The following NTRK3 variants were observed in gnomAD, a reference collection of about 807,000 sequenced individuals.
The protein encoded by NTRK3 is neurotrophic receptor tyrosine kinase 3, also known as NT-3 growth factor receptor.
A neutral mutation model predicts 91.7 loss-of-function variants in NTRK3; 24 were observed. That is an observed-to-expected ratio of 0.26 (90% confidence interval 0.19 to 0.37). The LOEUF (loss-of-function observed/expected upper bound fraction) is 0.37. NTRK3 is among the 10% of genes least tolerant of loss of function. NTRK3 has a pLI of 1.00. For missense variants in NTRK3, 880 were observed against 1,068.9 expected (o/e 0.82, Z 2.46); for synonymous variants, 483 against 404.0 (o/e 1.20, Z -2.34).
intron 13 of NTRK3, among the ~76,000 whole-genome samples, chr15:88,126,023 A>G (rs2053249713): frequency 6.6e-6 from 1 of 152,178 alleles, no homozygotes; most frequent in South Asian, 2.1e-4. Context: ...AAGCCCTTCT[A>G]AGCAATGTTT....
At chr15:87,974,356 A>G (rs1289479597) in intron 14 of NTRK3, among the ~76,000 whole-genome samples, 1 of 152,200 alleles carries the variant, frequency 6.6e-6, no homozygotes, top group Non-Finnish European at 1.5e-5. Flanking sequence ...GAGCTTGGAC[A>G]TATCAGGAGG....
chr15:88,198,233 T>C (rs1167502439), intron 3 of NTRK3, among the ~76,000 whole-genome samples: 1 of 152,104 alleles, frequency 6.6e-6, no homozygotes, highest in Non-Finnish European at 1.5e-5. Context: ...TGTGAGACTC[T>C]TCCCAGCCAC....
At chr15:88,193,720 CT>C (rs1216065499) in intron 3 of NTRK3, among the ~76,000 whole-genome samples, 2 of 152,200 alleles carry the variant, frequency 1.3e-5, no homozygotes, top group African/African-American at 4.8e-5. Flanking sequence ...CCTTTCCCAC[CT>C]TCTCAGGAAC....
At chr15:88,041,079 A>G (rs12441487) in intron 13 of NTRK3, among the ~76,000 whole-genome samples, 37,343 of 152,148 alleles carry the variant, frequency 0.25, 5,118 homozygotes, top group Middle Eastern at 0.42. Flanking sequence ...TTCACAAACA[A>G]AGAGTGCTTG....
chr15:87,877,195 GCAA>G (rs2064988483), intron 18 of NTRK3, 75 bp from the exon 20 acceptor site: 1 of 1,479,250 alleles, frequency 6.8e-7, no homozygotes, highest in Non-Finnish European at 9.3e-7. Context: ...TCGGCAAAAA[GCAA>G]CAACTTCCCG....
exon 16 of NTRK3, chr15:87,933,123 G>T (rs2141956418): frequency 2.5e-6 from 4 of 1,614,124 alleles, no homozygotes; most frequent in Non-Finnish European, 2.5e-6. Context: ...CTGCAGGTTG[G>T]TGAGCAGCTC....
intron 3 of NTRK3, among the ~76,000 whole-genome samples, chr15:88,232,516 A>T (rs918168254): frequency 2.6e-5 from 4 of 152,168 alleles, no homozygotes; most frequent in African/African-American, 9.7e-5. Flanking sequence ...CAATAATTAT[A>T]TTCCTTAAAT....
chr15:88,150,569 T>C lies in NTRK3; in HGVS notation c.396-3166A>G, dbSNP rs369820052. On this transcript the variant is annotated intron_variant, in intron 5 of 18. Coordinates refer to ENST00000394480, the Ensembl canonical transcript of NTRK3. ...CCCCACCTGGATTCCTCCCGCTCTTTGGGTGGATGGAATGGCTGAAGCACT... is the reference window on the plus strand; with the variant it reads ...CCCCACCTGGATTCCTCCCGCTCTTCGGGTGGATGGAATGGCTGAAGCACT... Among the ~76,000 whole-genome samples, 16 of 152,084 alleles carry C rather than the reference T, an allele frequency of 1.1e-4. 1 individual carries two copies. The highest frequency in any genetic ancestry group is 3.6e-4 in the African/African-American group (15 of 41,484).
At chr15:88,092,532 TG>T (rs1429481271) in intron 13 of NTRK3, among the ~76,000 whole-genome samples, 1 of 152,248 alleles carries the variant, frequency 6.6e-6, no homozygotes, top group Non-Finnish European at 1.5e-5. Context: ...CAAGCCAGAC[TG>T]GCCAGAGGTT....
chr15:88,193,739 T>C (rs2047595447), intron 3 of NTRK3, among the ~76,000 whole-genome samples: 1 of 152,186 alleles, frequency 6.6e-6, no homozygotes, highest in African/African-American at 2.4e-5. Flanking sequence ...AACATATTCA[T>C]TTTTTCTCTT....
intron 14 of NTRK3, among the ~76,000 whole-genome samples, chr15:88,017,850 T>C (rs1244260289): frequency 6.6e-6 from 1 of 152,224 alleles, no homozygotes; most frequent in Non-Finnish European, 1.5e-5. Context: ...ACACTGAGCA[T>C]AATTCAACCA....
intron 14 of NTRK3, among the ~76,000 whole-genome samples, chr15:87,989,558 G>A (rs563744817): frequency 2.6e-5 from 4 of 152,036 alleles, no homozygotes; most frequent in Non-Finnish European, 5.9e-5. Flanking sequence ...TGTAAATGAC[G>A]AGTTAATGGG....
intron 14 of NTRK3, among the ~76,000 whole-genome samples, chr15:87,992,529 G>T (rs991439120): frequency 6.6e-6 from 1 of 152,114 alleles, no homozygotes; most frequent in South Asian, 2.1e-4. Flanking sequence ...ATGGTTCATG[G>T]ATTTATTTTT....
chr15:87,935,465 A>G (rs2069187106), intron 15 of NTRK3, among the ~76,000 whole-genome samples: 1 of 152,222 alleles, frequency 6.6e-6, no homozygotes, highest in African/African-American at 2.4e-5. Flanking sequence ...TCATGGTGAA[A>G]GACAGTCTCT....
At chr15:88,254,848 C>T (rs2053841129) in intron 3 of NTRK3, among the ~76,000 whole-genome samples, 1 of 152,156 alleles carries the variant, frequency 6.6e-6, no homozygotes, top group Non-Finnish European at 1.5e-5. Flanking sequence ...CTGAGCAATT[C>T]CAGTATGGTC....
intron 14 of NTRK3, among the ~76,000 whole-genome samples, chr15:88,006,527 G>A (rs1397312819): frequency 6.6e-6 from 1 of 152,212 alleles, no homozygotes; most frequent in Admixed American, 6.5e-5. Flanking sequence ...CAGAGAGGCA[G>A]CTCTATCTGG....
intron 17 of NTRK3, among the ~76,000 whole-genome samples, chr15:87,898,748 G>A (rs1174705171): frequency 2.7e-5 from 4 of 150,406 alleles, no homozygotes; most frequent in East Asian, 3.9e-4. Context: ...CACTTCAGGA[G>A]GCCAAGGCAG....
At chr15:87,983,060 A>T (rs1223419102) in intron 14 of NTRK3, among the ~76,000 whole-genome samples, 1 of 152,224 alleles carries the variant, frequency 6.6e-6, no homozygotes, top group Non-Finnish European at 1.5e-5. Flanking sequence ...AGTTTAGGTT[A>T]TGGTTTAGAC....
intron 14 of NTRK3, among the ~76,000 whole-genome samples, chr15:87,941,245 G>A (rs903116113): frequency 6.6e-6 from 1 of 152,258 alleles, no homozygotes; most frequent in African/African-American, 2.4e-5. Context: ...TGAGAATCAG[G>A]TTGGAATCCT....
Sources: allele counts gnomAD v4.1 joint callset (sites outside exome capture counted in the v4.1 genomes callset), GRCh38; gene constraint gnomAD v4.1.1; transcripts MANE v1.5; gene names NCBI Gene and HGNC (gene_info 2026-07-23, HGNC 2026-07-21).